Variants in CRADD observed in about 807,000 individuals in gnomAD.
CRADD encodes the protein death domain-containing protein CRADD.
Under a neutral mutation model 15.5 loss-of-function variants are expected in CRADD, and 9 were observed. The observed-to-expected ratio is 0.58, with a 90% CI of 0.35 to 1.01. The LOEUF is 1.01. Ranked by LOEUF, CRADD falls within the 50% of genes least tolerant of loss-of-function variation. CRADD has a pLI of 0.02. For synonymous variants in CRADD, 118 were observed against 107.6 expected, an observed-to-expected ratio of 1.10 and a Z score of -0.60; for missense variants, 227 against 250.3, an observed-to-expected ratio of 0.91 and a Z score of 0.63.
intron 2 of CRADD, among the ~76,000 whole-genome samples, chr12:93,830,459 A>G (rs1295201500): frequency 1.3e-5 from 2 of 152,172 alleles, no homozygotes; most frequent in African/African-American, 4.8e-5. Flanking sequence ...TCTCACACAC[A>G]CATGCACCTG....
At chr12:93,762,467 T>C (rs1235764413) in intron 2 of CRADD, among the ~76,000 whole-genome samples, 1 of 151,908 alleles carries the variant, frequency 6.6e-6, no homozygotes, top group East Asian at 1.9e-4. Context: ...AAAGGAGAGG[T>C]CAGGCAGGAA....
At chr12:93,706,710 G>A (rs548104222) in intron 2 of CRADD, among the ~76,000 whole-genome samples, 2 of 152,300 alleles carry the variant, frequency 1.3e-5, no homozygotes, top group South Asian at 4.1e-4. Flanking sequence ...AATAAAGGAT[G>A]TTCTAAAGGA....
intron 2 of CRADD, among the ~76,000 whole-genome samples, chr12:93,782,263 G>A (rs1247096599): frequency 1.4e-5 from 2 of 147,830 alleles, no homozygotes; most frequent in South Asian, 2.2e-4. Context: ...AACACTGCAT[G>A]TTCTCACTCA....
At chr12:93,820,945 C>T (rs1957762989) in intron 2 of CRADD, among the ~76,000 whole-genome samples, 2 of 152,336 alleles carry the variant, frequency 1.3e-5, no homozygotes, top group East Asian at 1.9e-4. Context: ...TAAAAACATG[C>T]TCTAGAGTAG....
At position 93,714,085 on chromosome 12, in the gene CRADD, A is replaced by T. The variant is rs142770347; in HGVS notation, c.298+35013A>T. 3.1e-3 allele frequency among the ~76,000 whole-genome samples: 472 copies of T among 152,352 alleles called. 2 individuals carry two copies. The highest frequency in any genetic ancestry group is 3.4e-3 in the Middle Eastern group (1 of 294). ...GTTTCTCAAAAGGTCGAACGAAGAC[A>T]TAGAAAAAGCAAGTTAATGTAAGAT... On this transcript the variant is annotated intron_variant, in intron 2 of 2. Coordinates refer to ENST00000332896, the MANE Select transcript of CRADD (RefSeq NM_003805.5).
At chr12:93,876,898 C>G (rs1435376782) in intron 2 of CRADD, among the ~76,000 whole-genome samples, 1 of 152,012 alleles carries the variant, frequency 6.6e-6, no homozygotes, top group African/African-American at 2.4e-5. Context: ...AGTGTCTGGC[C>G]ATTGAAGAGT....
intron 2 of CRADD, among the ~76,000 whole-genome samples, chr12:93,787,473 T>C (rs964210117): frequency 4.6e-5 from 7 of 152,126 alleles, no homozygotes; most frequent in African/African-American, 7.2e-5. Context: ...CACATGTGCA[T>C]GTGTTGTAGT....
chr12:93,720,625 C>G (rs530536575), intron 2 of CRADD, among the ~76,000 whole-genome samples: 1 of 152,156 alleles, frequency 6.6e-6, no homozygotes, highest in Non-Finnish European at 1.5e-5. Context: ...ATGATTGTTA[C>G]GTATTCTTGG....
At chr12:93,733,359 A>G (rs1956503729) in intron 2 of CRADD, among the ~76,000 whole-genome samples, 1 of 152,236 alleles carries the variant, frequency 6.6e-6, no homozygotes, top group African/African-American at 2.4e-5. Flanking sequence ...TAGGGATTAT[A>G]TGAGTGGAGA....
chr12:93,805,923 T>A (rs2137001771), intron 2 of CRADD, among the ~76,000 whole-genome samples: 1 of 152,278 alleles, frequency 6.6e-6, no homozygotes, highest in Admixed American at 6.6e-5. Flanking sequence ...CTGGGCAAAG[T>A]ACAGCAAGTC....
chr12:93,843,145 A>G (rs574812855), intron 2 of CRADD, among the ~76,000 whole-genome samples: 1 of 152,260 alleles, frequency 6.6e-6, no homozygotes, highest in East Asian at 1.9e-4. Context: ...TGTTTGTGGT[A>G]AGGTAGGGGT....
intron 2 of CRADD, among the ~76,000 whole-genome samples, chr12:93,822,127 AAAG>A (rs1404301229): frequency 6.6e-6 from 1 of 151,768 alleles, no homozygotes; most frequent in East Asian, 1.9e-4. Context: ...CAAAAAAAAA[AAAG>A]ATGTAGACAG....
At chr12:93,863,220 G>A (rs965520574) in intron 2 of CRADD, among the ~76,000 whole-genome samples, 8 of 151,150 alleles carry the variant, frequency 5.3e-5, no homozygotes, top group African/African-American at 1.5e-4. Context: ...ATGCCAGGTG[G>A]CACCTGTAAG....
intron 2 of CRADD, among the ~76,000 whole-genome samples, chr12:93,810,797 C>A (rs746484893): frequency 3.9e-5 from 6 of 152,190 alleles, no homozygotes; most frequent in Non-Finnish European, 8.8e-5. Context: ...CTATCACTGC[C>A]TGTCTTTCAA....
At chr12:93,873,054 C>T (rs1269517582) in intron 2 of CRADD, among the ~76,000 whole-genome samples, 1 of 151,770 alleles carries the variant, frequency 6.6e-6, no homozygotes, top group Non-Finnish European at 1.5e-5. Flanking sequence ...GAATATTTTT[C>T]TCTTTTTTTG....
chr12:93,833,214 A>G (rs1030772135), intron 2 of CRADD, among the ~76,000 whole-genome samples: 1 of 152,246 alleles, frequency 6.6e-6, no homozygotes, highest in Non-Finnish European at 1.5e-5. Context: ...AATAAGCCTC[A>G]TTAATATTAA....
At chr12:93,864,075 G>T (rs11837570) in intron 2 of CRADD, among the ~76,000 whole-genome samples, 3,062 of 152,204 alleles carry the variant, frequency 0.02, 97 homozygotes, top group African/African-American at 0.068. Context: ...TTTATTTACT[G>T]TTATATAGAG....
At chr12:93,820,267 C>G (rs1039899412) in intron 2 of CRADD, among the ~76,000 whole-genome samples, 2 of 152,236 alleles carry the variant, frequency 1.3e-5, no homozygotes, top group African/African-American at 4.8e-5. Flanking sequence ...TGGTTTACCC[C>G]TGCCCCATGG....
At chr12:93,801,796 C>T (rs956262370) in intron 2 of CRADD, among the ~76,000 whole-genome samples, 9 of 152,000 alleles carry the variant, frequency 5.9e-5, no homozygotes, top group South Asian at 2.1e-4. Context: ...TTAGTGCACC[C>T]GTCACTTGAG....
Sources: gnomAD v4.1 joint callset for allele counts (sites outside exome capture counted in the v4.1 genomes callset) on GRCh38, gnomAD v4.1.1 for gene constraint, MANE v1.5 for transcripts, NCBI Gene and HGNC (gene_info 2026-07-23, HGNC 2026-07-21) for gene names.